The following OSBPL9 variants were observed in gnomAD, a reference collection of about 807,000 sequenced individuals.
OSBPL9 encodes the protein oxysterol-binding protein-related protein 9.
OSBPL9 carries 40 observed loss-of-function variants against 106.6 expected under a neutral mutation model. The ratio of observed to expected loss-of-function variants is 0.38; its 90% CI spans 0.29 to 0.49. The LOEUF is 0.49. Among genes scored for constraint, OSBPL9 ranks in the 20% least tolerant of loss-of-function variants. The pLI is 0.97. For synonymous variants in OSBPL9, 269 were observed against 295.4 expected (o/e 0.91, Z 0.92); for missense variants, 609 against 887.2 (o/e 0.69, Z 3.98).
chr1:51,569,190 T>C, the OSBPL9 span, among the ~76,000 whole-genome samples: 1 of 152,210 alleles, frequency 6.6e-6, no homozygotes, highest in East Asian at 1.9e-4. Flanking sequence ...TTCCTTGACC[T>C]CCTGTGCCTT....
upstream of OSBPL9, chr1:51,573,858 C>A (rs952391434): frequency 4.0e-5 from 6 of 150,580 alleles, no homozygotes; most frequent in African/African-American, 7.4e-5. Context: ...TGGGTGATAT[C>A]ACAGACAAAA....
upstream of OSBPL9, among the ~76,000 whole-genome samples, chr1:51,575,505 C>T (rs2148596890): frequency 6.6e-6 from 1 of 152,158 alleles, no homozygotes; most frequent in East Asian, 1.9e-4. Context: ...GCCACCGTGC[C>T]CAGCCCCCAA....
chr1:51,780,742 G>A (rs1250892528), intron 15 of OSBPL9, among the ~76,000 whole-genome samples: 2 of 151,986 alleles, frequency 1.3e-5, no homozygotes, highest in African/African-American at 4.8e-5. Context: ...TCCAGCCTGG[G>A]TGACAGAGCG....
rs1019738317 is a variant in OSBPL9, at chr1:51,787,961, C to T, written c.*172C>T. 52 of 599,008 alleles carry T rather than the reference C, an allele frequency of 8.7e-5. 1 individual carries two copies. The East Asian group carries it at 1.5e-3, about 17-fold the overall frequency. 37.1% of individuals were successfully genotyped at this position (599,008 alleles called of 1,614,324 possible). ...ATGAACAATTAAGGGGAAAAGCTTCCCTTTTCCCTCTGTGGCAGTTACGAT... is the reference window on the plus strand; with the variant it reads ...ATGAACAATTAAGGGGAAAAGCTTCTCTTTTCCCTCTGTGGCAGTTACGAT... On this transcript the variant is annotated 3_prime_UTR_variant, in exon 24 of 24. Coordinates refer to ENST00000428468, the MANE Select transcript of OSBPL9 (RefSeq NM_024586.6).
chr1:51,543,679 G>A, the OSBPL9 span, among the ~76,000 whole-genome samples: 11 of 152,236 alleles, frequency 7.2e-5, no homozygotes, highest in Non-Finnish European at 1.5e-4. Context: ...ACAGGCGTGA[G>A]CCACTGCGCC....
At chr1:51,715,803 G>A (rs1660946504) in intron 4 of OSBPL9, among the ~76,000 whole-genome samples, 1 of 152,018 alleles carries the variant, frequency 6.6e-6, no homozygotes, top group South Asian at 2.1e-4. Context: ...ATTCTTGTGT[G>A]TGATGTCCTT....
At chr1:51,665,432 C>T (rs994008373) in intron 2 of OSBPL9, among the ~76,000 whole-genome samples, 2 of 152,208 alleles carry the variant, frequency 1.3e-5, no homozygotes, top group Non-Finnish European at 2.9e-5. Context: ...GCATGAGCCA[C>T]TGCGCCCGGC....
At chr1:51,635,294 TA>T (rs200222829) in intron 1 of OSBPL9, among the ~76,000 whole-genome samples, 72 of 147,378 alleles carry the variant, frequency 4.9e-4, no homozygotes, top group Admixed American at 2.6e-3. Flanking sequence ...CCATCTGTAT[TA>T]AAAAAAAAAA....
intron 20 of OSBPL9, 24 bp downstream of exon 20, chr1:51,784,606 G>A: frequency 1.9e-6 from 3 of 1,608,156 alleles, no homozygotes; most frequent in Non-Finnish European, 2.5e-6. Flanking sequence ...CTGCCTTAGA[G>A]CTCTTATGCT....
At chr1:51,680,126 C>T (rs1192388969) in intron 3 of OSBPL9, among the ~76,000 whole-genome samples, 6 of 151,854 alleles carry the variant, frequency 4.0e-5, no homozygotes, top group South Asian at 2.1e-4. Context: ...TCGTGGCTTG[C>T]GACTGTAGTA....
In OSBPL9 at chr1:51,767,891, G is replaced by C. The variant is rs2244383; in HGVS notation, c.938+1910G>C. 8.5e-3 allele frequency among the ~76,000 whole-genome samples: 1,233 copies of C among 145,282 alleles called. 20 individuals carry two copies. Among genetic ancestry groups the C allele is most frequent in the African/African-American group, 0.029 (1,160 of 39,778 alleles). On this transcript the variant is annotated intron_variant, in intron 12 of 23. Transcript: ENST00000428468. ...AAATGAAAGGTTATTATTAATTTTT[G>C]AAGGGTTCAGTCATTATTTTATTTA...
chr1:51,699,426 A>G (rs1656772286), intron 3 of OSBPL9, among the ~76,000 whole-genome samples: 1 of 151,412 alleles, frequency 6.6e-6, no homozygotes, highest in African/African-American at 2.4e-5. Context: ...TCTAATTTCT[A>G]CTCAGTTTTA....
At chr1:51,552,004 G>A in the OSBPL9 span, among the ~76,000 whole-genome samples, 1 of 99,594 alleles carries the variant, frequency 1.0e-5, no homozygotes, top group Non-Finnish European at 2.1e-5. Context: ...TGTGTGTTTA[G>A]TTTGTTCGTA....
chr1:51,696,633 T>G (rs968406948), intron 3 of OSBPL9, among the ~76,000 whole-genome samples: 2 of 152,186 alleles, frequency 1.3e-5, no homozygotes, highest in African/African-American at 2.4e-5. Flanking sequence ...TTTGCTCTAC[T>G]ATAACTTACA....
chr1:51,702,572 A>G lies in OSBPL9; in HGVS notation c.242-11431A>G, dbSNP rs563393877. ...CTTTGTCAGATGAGTAGATTGCAAA[A>G]TTTTTCTCCCATTCTGTAGGTTGCC... On this transcript the variant is annotated intron_variant, in intron 3 of 23. Coordinates refer to ENST00000428468, the MANE Select transcript of OSBPL9 (RefSeq NM_024586.6). Among the ~76,000 whole-genome samples the G allele has an allele frequency of 3.5e-3, 527 of 152,010 alleles. 1 individual carries two copies. The highest frequency in any genetic ancestry group is 0.012 in the African/African-American group (506 of 41,444).
chr1:51,532,048 G>A, the OSBPL9 span, among the ~76,000 whole-genome samples: 2 of 152,332 alleles, frequency 1.3e-5, no homozygotes, highest in Non-Finnish European at 2.9e-5. Flanking sequence ...GATGAGGATT[G>A]CAATTAATAT....
intron 7 of OSBPL9, among the ~76,000 whole-genome samples, chr1:51,749,917 G>C (rs1474402141): frequency 6.7e-6 from 1 of 148,762 alleles, no homozygotes; most frequent in East Asian, 2.0e-4. Flanking sequence ...ATATTATTTA[G>C]TATAAATTAA....
chr1:51,774,896 TGAAATTAAACTTTTTA>T (rs1364373970), intron 14 of OSBPL9, among the ~76,000 whole-genome samples: 1 of 152,210 alleles, frequency 6.6e-6, no homozygotes, highest in East Asian at 1.9e-4. Context: ...AAATTACGTG[TGAAATTAAACTTTTTA>T]AAAATGTTTT....
chr1:51,672,176 C>T (rs1029396092), intron 3 of OSBPL9, among the ~76,000 whole-genome samples: 1 of 152,114 alleles, frequency 6.6e-6, no homozygotes, highest in East Asian at 1.9e-4. Context: ...ACTCTGGCCA[C>T]TGTGTTGGGA....
Sources: gnomAD v4.1 joint callset for allele counts (sites outside exome capture counted in the v4.1 genomes callset) on GRCh38, gnomAD v4.1.1 for gene constraint, MANE v1.5 for transcripts, NCBI Gene and HGNC (gene_info 2026-07-23, HGNC 2026-07-21) for gene names.